The following IKZF4 variants were observed in gnomAD, a reference collection of about 807,000 sequenced individuals.
IKZF4 encodes the protein IKAROS family zinc finger 4.
In IKZF4, 11 loss-of-function variants were observed where a neutral mutation model predicts 47.7. The observed-to-expected ratio is 0.23, with a 90% CI of 0.15 to 0.38. The LOEUF (loss-of-function observed/expected upper bound fraction) is 0.38, where lower values mean the gene tolerates loss of function less well. Ranked by LOEUF, IKZF4 falls within the 10% of genes least tolerant of loss-of-function variation. IKZF4 has a pLI of 1.00. For missense variants in IKZF4, 557 were observed against 784.9 expected (o/e 0.71, Z 3.47); for synonymous variants, 298 against 299.4 (o/e 1.00, Z 0.05).
chr12:56,034,454 T>C lies in IKZF4; in HGVS notation c.998-117T>C. On this transcript the variant is annotated intron_variant, in intron 7 of 7. Transcript: ENST00000547167. ...AAGGACCTGACCCTGCGAAAGTAAA[T>C]GCCACGTAGTAAATAATGTTACACC... 2.8e-6 allele frequency: 3 copies of C among 1,063,524 alleles called. No homozygotes were observed. The South Asian group carries it at 4.8e-5, about 17-fold the overall frequency. The allele number at this position is 1,063,524 out of a possible 1,614,324, so 65.9% of individuals were successfully genotyped here.
rs1895540468 is a variant in IKZF4, at chr12:56,035,267, A to G, written c.1694A>G (p.Tyr565Cys). The G allele has an allele frequency of 6.2e-7, 1 of 1,613,988 alleles. No homozygotes were observed. The highest frequency in any genetic ancestry group is 1.7e-5 in the Admixed American group (1 of 60,000). ...CCTTTTGAGTGCAACATCTGTGGTT[A>G]TCACAGCCAGGACCGGTACGAATTC... is the stretch of plus-strand genomic sequence containing the variant. ...RDPFECNICG[Y>C]HSQDRYEFSS... Residue 565 changes from tyrosine (Y) to cysteine (C), a missense_variant, in exon 8 of 8, where the codon TAT (tyrosine) becomes TGT (cysteine). Coordinates refer to ENST00000547167, the MANE Select transcript of IKZF4 (RefSeq NM_022465.4). The surrounding 1 kb of genome is among the most constrained non-coding windows in gnomAD (Gnocchi z 6.1).
Position 56,035,090 on chromosome 12 carries a change from T to C in IKZF4, c.1517T>C (p.Leu506Ser). 1 of 1,604,400 alleles carries C rather than the reference T, an allele frequency of 6.2e-7. No homozygotes were observed. The highest frequency in any genetic ancestry group is 1.3e-5 in the African/African-American group (1 of 74,886). ...KEDPKPQEGLLRGTPGPSKEV... is the reference protein window; with the variant it reads ...KEDPKPQEGLSRGTPGPSKEV... ...GACCCCAAGCCACAGGAGGGGTTAT[T>C]GCGGGGCACCCCAGGCCCCTCCAAG... The change falls in exon 8 of 8, where the codon TTG becomes TCG. Residue 506 changes from leucine (L) to serine (S), a missense_variant. This residue lies in a region of IKZF4 where 280 missense variants were observed against 314.0 expected (regional missense o/e 0.89). Transcript: ENST00000547167. The surrounding 1 kb of genome is among the most constrained non-coding windows in gnomAD (Gnocchi z 6.1).
chr12:56,023,789 T>C (rs79673395), intron 2 of IKZF4, 25 bp downstream of exon 2: 218 of 1,609,134 alleles, frequency 1.4e-4, no homozygotes, highest in Non-Finnish European at 1.7e-4. Context: ...AGCTGGGCAA[T>C]TGGGTAAAGT....
upstream of IKZF4, among the ~76,000 whole-genome samples, chr12:56,017,284 G>A (rs1435393279): frequency 5.8e-5 from 7 of 119,974 alleles, no homozygotes; most frequent in South Asian, 8.3e-4. Context: ...AGTAATTGAT[G>A]AGAGGGTGGG....
intron 1 of IKZF4, among the ~76,000 whole-genome samples, chr12:56,008,947 G>A (rs1891031986): frequency 6.6e-6 from 1 of 152,140 alleles, no homozygotes. Context: ...AAAGTGCTGG[G>A]ATTACAGGCA....
intron 2 of IKZF4, among the ~76,000 whole-genome samples, chr12:56,014,784 A>AC (rs767504079): frequency 1.6e-3 from 236 of 150,128 alleles, no homozygotes; most frequent in Non-Finnish European, 2.7e-3. Context: ...CGTCTCAAAA[A>AC]AAAAAACAAA....
At chr12:56,030,597 C>T (rs1254996222) in intron 5 of IKZF4, among the ~76,000 whole-genome samples, 6 of 152,092 alleles carry the variant, frequency 3.9e-5, no homozygotes, top group African/African-American at 9.7e-5. Context: ...GGCGTGGTGG[C>T]GCATGCCTGT....
chr12:56,007,957 G>A (rs1463355897), intron 1 of IKZF4, among the ~76,000 whole-genome samples: 2 of 152,126 alleles, frequency 1.3e-5, no homozygotes, highest in Non-Finnish European at 2.9e-5. Flanking sequence ...GCAGGGACTC[G>A]GGGGTCCTAA....
At position 56,034,662 on chromosome 12, in the gene IKZF4, C is replaced by T; in HGVS notation, c.1089C>T (p.His363=). Residue 363 remains histidine (H), a synonymous_variant, in exon 8 of 8, where the codon CAC becomes CAT. Coordinates refer to ENST00000547167, the MANE Select transcript of IKZF4 (RefSeq NM_022465.4). The part of the protein sequence containing the change: ...YEKDVELVAH[H]SLEPGFGSSL... ...AGGATGTGGAGTTGGTGGCACACCA[C>T]AGCCTAGAGCCTGGCTTTGGAAGTT... is the stretch of plus-strand genomic sequence containing the variant. 1 of 1,614,076 alleles carries T rather than the reference C, an allele frequency of 6.2e-7. No homozygotes were observed.
At chr12:56,033,775 C>T (rs1158995423) in intron 7 of IKZF4, among the ~76,000 whole-genome samples, 2 of 152,042 alleles carry the variant, frequency 1.3e-5, no homozygotes, top group Non-Finnish European at 2.9e-5. Flanking sequence ...GAAAATCTAT[C>T]CTCAGGACAG....
Position 56,015,861 on chromosome 12 carries a change from T to C in IKZF4, c.-213-2265T>C, listed in dbSNP as rs577891855. Among the ~76,000 whole-genome samples the C allele has an allele frequency of 5.9e-5, 9 of 152,344 alleles. 2 individuals carry two copies. The South Asian group carries it at 1.9e-3, about 32-fold the overall frequency. On this transcript the variant is annotated intron_variant, in intron 2 of 11. Coordinates refer to the IKZF4 transcript ENST00000262032. ...TCTGAGTTCTCTAACAACTGTGGACTTGGGCTCTTCTAATGATTGTTCCTA... is the reference window on the plus strand; with the variant it reads ...TCTGAGTTCTCTAACAACTGTGGACCTGGGCTCTTCTAATGATTGTTCCTA...
chr12:56,021,751 C>T (rs1893044306), intron 1 of IKZF4, 171 bp downstream of exon 1: 3 of 994,052 alleles, frequency 3.0e-6, no homozygotes, highest in East Asian at 5.3e-5. Context: ...GGGGGCGTTC[C>T]TCCTTATACT....
In IKZF4 at chr12:56,022,266, G is replaced by A. The variant is rs539468914; in HGVS notation, c.87+686G>A. Among the ~76,000 whole-genome samples the A allele has an allele frequency of 1.2e-3, 182 of 152,268 alleles. 1 individual carries two copies. The highest frequency in any genetic ancestry group is 4.0e-3 in the African/African-American group (167 of 41,552). On this transcript the variant is annotated intron_variant, in intron 1 of 7. Transcript: ENST00000547167. ...AACATATGAAACACCTTTAGCTTGT[G>A]GCCTGTTTCCCAGTTCCTTTCTCTC...
chr12:56,024,928 C>T (rs1320482535), intron 2 of IKZF4, 126 bp from the exon 3 acceptor site: 3 of 1,528,368 alleles, frequency 2.0e-6, no homozygotes, highest in African/African-American at 2.7e-5. Flanking sequence ...GCATACAACA[C>T]TGCTTTGTAC....
intron 4 of IKZF4, 86 bp from the exon 5 acceptor site, chr12:56,027,694 G>T: frequency 7.1e-7 from 1 of 1,410,488 alleles, no homozygotes; most frequent in Non-Finnish European, 9.8e-7. Flanking sequence ...CTTCCCTTGG[G>T]CAAGGTAGGG....
Position 56,026,766 on chromosome 12 carries a change from C to T in IKZF4, c.287-15C>T, listed in dbSNP as rs768773350. 3.9e-6 allele frequency: 6 copies of T among 1,530,566 alleles called. No individual in the cohort carries two copies. The Admixed American group carries it at 1.0e-4, about 26-fold the overall frequency. The allele number at this position is 1,530,566 out of a possible 1,614,324, so 94.8% of individuals were successfully genotyped here. ...CTTTGCCTCTCTCTATTCTAAACACCATCCCACCCCTCAGCCAACTCCATC... is the reference window on the plus strand; with the variant it reads ...CTTTGCCTCTCTCTATTCTAAACACTATCCCACCCCTCAGCCAACTCCATC... On this transcript the variant is annotated splice_polypyrimidine_tract_variant and intron_variant, in intron 3 of 7. Coordinates refer to ENST00000547167, the MANE Select transcript of IKZF4 (RefSeq NM_022465.4).
At chr12:56,016,635 T>C (rs1443598615), upstream of IKZF4, among the ~76,000 whole-genome samples, 2 of 150,976 alleles carry the variant, frequency 1.3e-5, no homozygotes, top group African/African-American at 4.9e-5. Flanking sequence ...TCGCTCTTGT[T>C]GCCCAGGCTG....
In IKZF4 at chr12:56,034,799, T is replaced by A; in HGVS notation, c.1226T>A (p.Leu409His). Residue 409 changes from leucine (L) to histidine (H), a missense_variant, in exon 8 of 8, where the codon CTC becomes CAC. Around this residue, in one of 6 missense-constraint regions of IKZF4, gnomAD observed 280 missense variants for 314.0 expected, o/e 0.89. Transcript: ENST00000547167. ...TCTGTCTACACCCAGATGCAGCCCC[T>A]CCCTGGTCGACTGGAGCTTCCAGGA... is the stretch of plus-strand genomic sequence containing the variant. Reference protein sequence around the residue: ...ISSVYTQMQPLPGRLELPGSR... With the variant: ...ISSVYTQMQPHPGRLELPGSR... 1 of 1,613,880 alleles carries A rather than the reference T, an allele frequency of 6.2e-7. No homozygotes were observed. Among genetic ancestry groups the A allele is most frequent in the Non-Finnish European group, 8.5e-7 (1 of 1,179,860 alleles).
At chr12:56,018,005 G>A (rs1193739826), upstream of IKZF4, 4 of 535,156 alleles carry the variant, frequency 7.5e-6, no homozygotes, top group Non-Finnish European at 1.2e-5. Context: ...TCTTCTTTAG[G>A]ATAGTATCAG....
Sources: gnomAD v4.1 joint callset for allele counts (sites outside exome capture counted in the v4.1 genomes callset) on GRCh38, gnomAD v4.1.1 for gene constraint, gnomAD v4.1.1 regional missense constraint, Gnocchi (gnomAD v3.1) non-coding constraint, MANE v1.5 for transcripts, NCBI Gene and HGNC (gene_info 2026-07-23, HGNC 2026-07-21) for gene names.